The following ZMYM2 variants were observed in gnomAD, a reference collection of about 807,000 sequenced individuals.
ZMYM2 encodes zinc finger MYM-type containing 2, also known as zinc finger MYM-type protein 2.
ZMYM2 carries 56 observed loss-of-function variants against 162.8 expected under a neutral mutation model. The observed-to-expected ratio is 0.34, with a 90% CI of 0.28 to 0.43. ZMYM2 has a LOEUF of 0.43. Ranked by LOEUF, ZMYM2 falls within the 20% of genes least tolerant of loss-of-function variation. ZMYM2 has a pLI of 1.00. For synonymous variants in ZMYM2, 510 were observed against 541.6 expected (o/e 0.94, Z 0.81); for missense variants, 1,275 against 1,621.8 (o/e 0.79, Z 3.67).
intron 12 of ZMYM2, among the ~76,000 whole-genome samples, chr13:20,044,737 T>C (rs2140466002): frequency 6.6e-6 from 1 of 152,178 alleles, no homozygotes; most frequent in South Asian, 2.1e-4. Flanking sequence ...GAAACTTCAT[T>C]GTGGGTACAG....
the ZMYM2 span, among the ~76,000 whole-genome samples, chr13:19,903,483 C>CAAAAAAAAAAAA: frequency 2.3e-3 from 193 of 83,648 alleles, no homozygotes; most frequent in Non-Finnish European, 2.5e-3. Flanking sequence ...ACTAAAAATA[C>CAAAAAAAAAAAA]AAAAAAAAAA....
chr13:19,944,335 G>A, the ZMYM2 span, among the ~76,000 whole-genome samples: 4 of 152,232 alleles, frequency 2.6e-5, no homozygotes, highest in South Asian at 4.1e-4. Context: ...ATAATGAAAC[G>A]ACTGAGGGTC....
At chr13:19,989,670 A>G (rs1457216673) in intron 2 of ZMYM2, among the ~76,000 whole-genome samples, 4 of 152,216 alleles carry the variant, frequency 2.6e-5, no homozygotes, top group African/African-American at 7.2e-5. Flanking sequence ...CAAATAATCC[A>G]GTTATACTCT....
At chr13:20,067,136 T>A in intron 20 of ZMYM2, 103 bp from the exon 21 acceptor site, 1 of 1,385,180 alleles carries the variant, frequency 7.2e-7, no homozygotes, top group Non-Finnish European at 9.6e-7. Flanking sequence ...AGAATGCATT[T>A]TATTTTACTT....
intron 22 of ZMYM2, 50 bp downstream of exon 22, chr13:20,082,180 A>G: frequency 1.6e-5 from 20 of 1,285,284 alleles, no homozygotes; most frequent in Non-Finnish European, 2.1e-5. Flanking sequence ...TAGGATTGTT[A>G]TTTTTACAGA....
the ZMYM2 span, among the ~76,000 whole-genome samples, chr13:19,937,624 A>ATT: frequency 2.7e-4 from 40 of 147,076 alleles, no homozygotes; most frequent in African/African-American, 9.0e-4. Context: ...TTTTTAAATT[A>ATT]TTTTTTTTAT....
chr13:19,949,147 C>T, the ZMYM2 span, among the ~76,000 whole-genome samples: 4 of 151,396 alleles, frequency 2.6e-5, no homozygotes, highest in East Asian at 1.9e-4. Context: ...CTGTGGCTCA[C>T]GCCTCTAATC....
intron 7 of ZMYM2, chr13:20,025,722 G>A (rs1427229170): frequency 6.6e-6 from 1 of 152,196 alleles, no homozygotes; most frequent in Non-Finnish European, 1.5e-5. Context: ...TGCATCGTTA[G>A]ACAAGTTTGT....
chr13:20,019,521 TAA>T (rs1419020446), intron 6 of ZMYM2, 24 bp from the exon 7 acceptor site: 8 of 1,548,940 alleles, frequency 5.2e-6, no homozygotes, highest in Non-Finnish European at 7.0e-6. Context: ...TGTGTGTTTA[TAA>T]AGTCTTTTAA....
At chr13:19,900,158 G>A in the ZMYM2 span, among the ~76,000 whole-genome samples, 1 of 151,868 alleles carries the variant, frequency 6.6e-6, no homozygotes, top group African/African-American at 2.4e-5. Context: ...AAAATTAGCC[G>A]GGTGTGGTGG....
At chr13:20,085,286 T>G (rs1215957695) in intron 24 of ZMYM2, among the ~76,000 whole-genome samples, 1 of 152,192 alleles carries the variant, frequency 6.6e-6, no homozygotes, top group Admixed American at 6.5e-5. Context: ...CTCACCATGG[T>G]TTAGGGTGGT....
At chr13:20,057,788 G>C (rs1191013986) in intron 14 of ZMYM2, among the ~76,000 whole-genome samples, 2 of 152,186 alleles carry the variant, frequency 1.3e-5, no homozygotes, top group Non-Finnish European at 2.9e-5. Flanking sequence ...ACCTAATCTT[G>C]TATTTCCCAT....
At chr13:19,954,117 C>G (rs540521678), upstream of ZMYM2, among the ~76,000 whole-genome samples, 59 of 42,694 alleles carry the variant, frequency 1.4e-3, no homozygotes, top group Non-Finnish European at 1.3e-3. Flanking sequence ...TTATTTAGTG[C>G]TATGTTTAAT....
intron 7 of ZMYM2, chr13:20,025,558 T>C (rs1952503768): frequency 6.3e-6 from 1 of 159,460 alleles, no homozygotes; most frequent in Non-Finnish European, 1.4e-5. Context: ...ACTCCTGGGC[T>C]CAAGCATTCC....
At chr13:20,017,290 A>G (rs752909045) in intron 6 of ZMYM2, among the ~76,000 whole-genome samples, 1 of 152,136 alleles carries the variant, frequency 6.6e-6, no homozygotes, top group African/African-American at 2.4e-5. Context: ...TCTTGTGTGA[A>G]TGGGATTAGG....
chr13:20,022,404 A>G (rs1324887222), intron 7 of ZMYM2, among the ~76,000 whole-genome samples: 1 of 152,212 alleles, frequency 6.6e-6, no homozygotes, highest in Non-Finnish European at 1.5e-5. Flanking sequence ...CAGGAAGCAC[A>G]TGATGTCTAT....
At chr13:19,961,557 A>C (rs555906893) in intron 2 of ZMYM2, among the ~76,000 whole-genome samples, 14 of 152,202 alleles carry the variant, frequency 9.2e-5, no homozygotes, top group Non-Finnish European at 1.6e-4. Context: ...CAAAAGATTT[A>C]TCTTTCTAGG....
At chr13:19,918,066 A>G in the ZMYM2 span, among the ~76,000 whole-genome samples, 1 of 152,136 alleles carries the variant, frequency 6.6e-6, no homozygotes, top group African/African-American at 2.4e-5. Context: ...CAAAAAACAA[A>G]AGAAAAAGAA....
At chr13:19,895,957 TACA>T in the ZMYM2 span, among the ~76,000 whole-genome samples, 5 of 151,540 alleles carry the variant, frequency 3.3e-5, no homozygotes, top group East Asian at 7.7e-4. Context: ...CTAACTGATC[TACA>T]ACATTAATGA....
Sources: gnomAD v4.1 joint callset for allele counts (sites outside exome capture counted in the v4.1 genomes callset) on GRCh38, gnomAD v4.1.1 for gene constraint, MANE v1.5 for transcripts, NCBI Gene and HGNC (gene_info 2026-07-23, HGNC 2026-07-21) for gene names.